Variants in ZFHX4 observed in about 807,000 individuals in gnomAD.
ZFHX4 encodes zinc finger homeobox protein 4.
ZFHX4 carries 56 observed loss-of-function variants against 267.6 expected under a neutral mutation model. The ratio of observed to expected loss-of-function variants is 0.21; its 90% confidence interval spans 0.17 to 0.26. The LOEUF is 0.26. Ranked by LOEUF, ZFHX4 falls within the 10% of genes least tolerant of loss-of-function variation. ZFHX4 has a pLI of 1.00. For synonymous variants in ZFHX4, 1,778 were observed against 1,665.6 expected, an observed-to-expected ratio of 1.07 and a Z score of -1.64; for missense variants, 4,332 against 4,420.0, an observed-to-expected ratio of 0.98 and a Z score of 0.56.
intron 3 of ZFHX4, among the ~76,000 whole-genome samples, chr8:76,716,855 T>C (rs1363346634): frequency 1.3e-5 from 2 of 152,180 alleles, no homozygotes; most frequent in Admixed American, 6.5e-5. Context: ...GGGTATTTGG[T>C]ATATTAAATA....
intron 3 of ZFHX4, among the ~76,000 whole-genome samples, chr8:76,772,529 G>C (rs1295219479): frequency 2.0e-5 from 3 of 152,116 alleles, no homozygotes; most frequent in Non-Finnish European, 4.4e-5. Context: ...ACATAGGTGA[G>C]CTGTATTTAT....
chr8:76,731,039 G>C (rs1162489778), intron 3 of ZFHX4, among the ~76,000 whole-genome samples: 1 of 152,140 alleles, frequency 6.6e-6, no homozygotes, highest in Non-Finnish European at 1.5e-5. Context: ...TTCTCTCCTG[G>C]AGGCTGTGCT....
Position 76,778,404 on chromosome 8 carries a change from T to A in ZFHX4, c.3290T>A (p.Ile1097Asn). ...CCAGAGGAGGACAACCTCAGTGAGA[T>A]CTTTTTTGTTAAAGATTGCCCACCA... ...LAPEEDNLSE[I>N]FFVKDCPPNE... Residue 1097 changes from isoleucine (I) to asparagine (N), a missense_variant, in exon 4 of 11, where the codon ATC becomes AAC. Physicochemically the swap from Ile to Asn is moderately radical, Grantham distance 149 (BLOSUM62 -3). Coordinates refer to ENST00000651372, the MANE Select transcript of ZFHX4 (RefSeq NM_024721.5). 1.2e-6 allele frequency: 2 copies of A among 1,613,728 alleles called. No individual in the cohort carries two copies. Among genetic ancestry groups the A allele is most frequent in the Non-Finnish European group, 1.7e-6 (2 of 1,179,810 alleles).
chr8:76,735,085 C>T (rs992273899), intron 3 of ZFHX4, among the ~76,000 whole-genome samples: 2 of 152,046 alleles, frequency 1.3e-5, no homozygotes, highest in Non-Finnish European at 2.9e-5. Flanking sequence ...AGAAAATGAT[C>T]TTATGAAGTA....
At chr8:76,725,653 G>A (rs1808832058) in intron 3 of ZFHX4, among the ~76,000 whole-genome samples, 3 of 152,120 alleles carry the variant, frequency 2.0e-5, no homozygotes, top group Admixed American at 2.0e-4. Context: ...GATCAGTGAA[G>A]GGCATAAGTT....
chr8:76,833,456 G>A (rs1334096526), intron 5 of ZFHX4, 50 bp downstream of exon 5: 4 of 1,408,100 alleles, frequency 2.8e-6, no homozygotes, highest in Non-Finnish European at 3.9e-6. Context: ...TAAATGAGTT[G>A]CTTTTGTTAC....
At chr8:76,698,516 A>G (rs908115174) in intron 1 of ZFHX4, among the ~76,000 whole-genome samples, 7 of 152,126 alleles carry the variant, frequency 4.6e-5, no homozygotes, top group African/African-American at 1.7e-4. Context: ...ATAGTTATAT[A>G]CAGTCTATGC....
Position 76,853,392 on chromosome 8 carries a change from A to ATT in ZFHX4, c.6471_6472insTT (p.Gln2158PhefsTer44). 1 of 1,613,854 alleles carries ATT rather than the reference A, an allele frequency of 6.2e-7. No individual in the cohort carries two copies. The stretch of plus-strand genomic sequence containing the variant: ...ACATTAATAATTCTCCAAGTGAAGA[A>ATT]CAGATCCAGGAAATGGCAGAGAAAT... On this transcript the variant is annotated frameshift_variant, in exon 10 of 11. Transcript: ENST00000651372. LOFTEE classifies it high-confidence loss of function.
intron 4 of ZFHX4, among the ~76,000 whole-genome samples, chr8:76,790,845 CA>C (rs1810816967): frequency 6.6e-6 from 1 of 152,030 alleles, no homozygotes; most frequent in African/African-American, 2.4e-5. Context: ...TTTAGGTTCC[CA>C]GGGGTAAAGT....
chr8:76,700,765 T>A (rs1808080957), intron 1 of ZFHX4, among the ~76,000 whole-genome samples: 1 of 152,206 alleles, frequency 6.6e-6, no homozygotes. Context: ...TGTATTGCTC[T>A]GAATTTAGCA....
chr8:76,773,563 A>G (rs993434636), intron 3 of ZFHX4, among the ~76,000 whole-genome samples: 1 of 152,152 alleles, frequency 6.6e-6, no homozygotes, highest in African/African-American at 2.4e-5. Flanking sequence ...TGTTTGGGTG[A>G]TACAAAAGAC....
intron 6 of ZFHX4, among the ~76,000 whole-genome samples, chr8:76,848,651 A>AT (rs1217106477): frequency 1.3e-5 from 2 of 152,170 alleles, no homozygotes; most frequent in African/African-American, 2.4e-5. Flanking sequence ...AGAAATAATG[A>AT]TTTTTTAAGT....
intron 3 of ZFHX4, among the ~76,000 whole-genome samples, chr8:76,741,682 G>C (rs1171278996): frequency 6.6e-6 from 1 of 152,202 alleles, no homozygotes; most frequent in Non-Finnish European, 1.5e-5. Context: ...GAGCAATCTG[G>C]AAGGGCTTTG....
chr8:76,778,170 C>T, intron 3 of ZFHX4, 38 bp from the exon 4 acceptor site: 1 of 1,381,202 alleles, frequency 7.2e-7, no homozygotes, highest in Non-Finnish European at 1.0e-6. Context: ...CACCATGGAG[C>T]TAGACCATTG....
At chr8:76,688,653 TA>T (rs1283274359) in intron 1 of ZFHX4, among the ~76,000 whole-genome samples, 2 of 152,244 alleles carry the variant, frequency 1.3e-5, no homozygotes, top group East Asian at 1.9e-4. Flanking sequence ...TTAGGACAGT[TA>T]AAATACCATA....
At chr8:76,711,402 G>T (rs1264648515) in intron 3 of ZFHX4, among the ~76,000 whole-genome samples, 1 of 152,112 alleles carries the variant, frequency 6.6e-6, no homozygotes, top group Non-Finnish European at 1.5e-5. Flanking sequence ...TTTAATGTTT[G>T]AATATGTATT....
rs77741035 is a variant in ZFHX4 at position 76,686,271 on chromosome 8, C to T, written c.-47+4651C>T. 2.6e-5 allele frequency among the ~76,000 whole-genome samples: 4 copies of T among 152,290 alleles called. No individual in the cohort carries two copies. The East Asian group carries it at 7.7e-4, about 29-fold the overall frequency. On this transcript the variant is annotated intron_variant, in intron 1 of 10. Transcript: ENST00000651372. The stretch of plus-strand genomic sequence containing the variant: ...GAAAAAGGACAAAAGGCTCTTTAAT[C>T]TCTGCAAGCTGTTTGTTTTTCTTCA...
chr8:76,837,152 G>A (rs1226857454), intron 5 of ZFHX4, among the ~76,000 whole-genome samples: 1 of 152,112 alleles, frequency 6.6e-6, no homozygotes, highest in Non-Finnish European at 1.5e-5. Context: ...AGGTAATGTA[G>A]ATAGAGAAAG....
At chr8:76,696,779 C>T (rs1475142843) in intron 1 of ZFHX4, among the ~76,000 whole-genome samples, 1 of 151,920 alleles carries the variant, frequency 6.6e-6, no homozygotes, top group Non-Finnish European at 1.5e-5. Context: ...CTTATGTTCT[C>T]TATTATGCTA....
Sources: gnomAD v4.1 joint callset for allele counts (sites outside exome capture counted in the v4.1 genomes callset) on GRCh38, gnomAD v4.1.1 for gene constraint, MANE v1.5 for transcripts, NCBI Gene and HGNC (gene_info 2026-07-23, HGNC 2026-07-21) for gene names.